The following ITPR2 variants were observed in gnomAD, a reference collection of about 807,000 sequenced individuals.
ITPR2 encodes the protein inositol 1,4,5-trisphosphate receptor type 2, also known as inositol 1,4,5-trisphosphate-gated calcium channel ITPR2.
A neutral mutation model predicts 317.1 loss-of-function variants in ITPR2; 207 were observed. The ratio of observed to expected loss-of-function variants is 0.65; its 90% CI spans 0.58 to 0.73. The LOEUF (loss-of-function observed/expected upper bound fraction) is 0.73, where lower values mean the gene tolerates loss of function less well. Ranked by LOEUF, ITPR2 falls within the 30% of genes least tolerant of loss-of-function variation. The probability of loss-of-function intolerance (pLI) is 0.00; values close to 1 mark genes in which losing one functional copy is unlikely to be tolerated. For missense variants in ITPR2, 2,613 were observed against 3,284.0 expected (o/e 0.80, Z 4.99); for synonymous variants, 1,156 against 1,149.1 (o/e 1.01, Z -0.12).
intron 13 of ITPR2, among the ~76,000 whole-genome samples, chr12:26,669,037 G>C (rs78262669): frequency 0.13 from 20,050 of 152,102 alleles, 1,699 homozygotes; most frequent in Non-Finnish European, 0.19. Context: ...AGGAATTGCT[G>C]AAACCTGGGA....
intron 2 of ITPR2, among the ~76,000 whole-genome samples, chr12:26,775,011 G>A (rs1490237037): frequency 1.3e-5 from 2 of 152,154 alleles, no homozygotes; most frequent in Admixed American, 6.5e-5. Context: ...CCAGGATTGA[G>A]CTTCACTAAT....
chr12:26,505,735 C>T (rs1313529217), intron 37 of ITPR2, among the ~76,000 whole-genome samples: 1 of 152,030 alleles, frequency 6.6e-6, no homozygotes, highest in Non-Finnish European at 1.5e-5. Flanking sequence ...CAACACCTAG[C>T]CCCAAAGCTA....
chr12:26,462,673 C>CCTTTTTTTTTTTTTTTT (rs386362868), intron 45 of ITPR2, among the ~76,000 whole-genome samples: 1 of 62,776 alleles, frequency 1.6e-5, no homozygotes. Flanking sequence ...AGCTTTCTTT[C>CCTTTTTTTTTTTTTTTT]TTTTTTTTTT....
intron 2 of ITPR2, among the ~76,000 whole-genome samples, chr12:26,734,479 T>C (rs1949083032): frequency 6.6e-6 from 1 of 152,134 alleles, no homozygotes; most frequent in South Asian, 2.1e-4. Context: ...GCCAGAGAAG[T>C]TCACGGCTTC....
chr12:26,625,059 T>C (rs1946589943), intron 23 of ITPR2, among the ~76,000 whole-genome samples: 1 of 151,034 alleles, frequency 6.6e-6, no homozygotes, highest in South Asian at 2.1e-4. Context: ...GAACTGGAGG[T>C]CATTATGTTA....
rs1267460459 is a variant in ITPR2 at position 26,436,204 on chromosome 12, G to A, written c.6769+17C>T. The A allele has an allele frequency of 1.3e-6, 2 of 1,544,670 alleles. No individual in the cohort carries two copies. The highest frequency in any genetic ancestry group is 2.3e-5 in the Admixed American group (1 of 44,086). On this transcript the variant is annotated intron_variant, in intron 48 of 56. Transcript: ENST00000381340. ...AACTTTAAAATATTTATATTTTAAG[G>A]AAAAACGAGCACTTGCCTTCATCTC...
chr12:26,548,811 T>C (rs375430790), intron 37 of ITPR2, among the ~76,000 whole-genome samples: 1 of 152,166 alleles, frequency 6.6e-6, no homozygotes, highest in Non-Finnish European at 1.5e-5. Context: ...GAACTAGTGA[T>C]AGCAGTGGGA....
At chr12:26,439,073 C>T in intron 47 of ITPR2, 54 bp downstream of exon 47, 1 of 1,137,030 alleles carries the variant, frequency 8.8e-7, no homozygotes. Flanking sequence ...TCCCAAAGTA[C>T]CAAATTATCT....
At chr12:26,698,786 A>T (rs1948394769) in intron 9 of ITPR2, among the ~76,000 whole-genome samples, 4 of 152,160 alleles carry the variant, frequency 2.6e-5, no homozygotes. Context: ...TCAAAACGGG[A>T]TTTAATCCTG....
chr12:26,692,266 C>T (rs1565696711), intron 10 of ITPR2, among the ~76,000 whole-genome samples: 1 of 152,174 alleles, frequency 6.6e-6, no homozygotes, highest in Non-Finnish European at 1.5e-5. Context: ...GGGGCATTGG[C>T]AATTTCTGGG....
intron 45 of ITPR2, among the ~76,000 whole-genome samples, chr12:26,468,546 G>A (rs1357216667): frequency 1.9e-5 from 1 of 53,004 alleles, no homozygotes; most frequent in Non-Finnish European, 5.6e-5. Context: ...TATATTCTAG[G>A]CACTGAACAA....
intron 45 of ITPR2, among the ~76,000 whole-genome samples, chr12:26,465,905 A>C (rs1342458848): frequency 1.3e-5 from 2 of 152,172 alleles, no homozygotes; most frequent in Non-Finnish European, 2.9e-5. Context: ...AAGCTCACAG[A>C]GGAAAGGGAT....
intron 41 of ITPR2, among the ~76,000 whole-genome samples, chr12:26,484,424 T>C (rs1942616406): frequency 2.0e-5 from 3 of 152,252 alleles, no homozygotes; most frequent in East Asian, 3.9e-4. Flanking sequence ...ATCAATATTT[T>C]AAGTTAACAT....
intron 26 of ITPR2, among the ~76,000 whole-genome samples, chr12:26,610,907 A>G (rs1375044271): frequency 1.3e-5 from 2 of 152,242 alleles, no homozygotes; most frequent in African/African-American, 4.8e-5. Context: ...AGCAACAGCA[A>G]GAGAAGAGAA....
intron 9 of ITPR2, 24 bp downstream of exon 9, chr12:26,711,149 T>A: frequency 2.6e-6 from 4 of 1,520,622 alleles, no homozygotes; most frequent in Non-Finnish European, 2.7e-6. Context: ...AGAAACTTAA[T>A]ACCACTTTAT....
At chr12:26,664,907 TG>T (rs1947588767) in intron 14 of ITPR2, among the ~76,000 whole-genome samples, 1 of 152,210 alleles carries the variant, frequency 6.6e-6, no homozygotes, top group African/African-American at 2.4e-5. Flanking sequence ...ACTAACATTA[TG>T]TCTACTATTT....
At chr12:26,649,873 T>A (rs1276855890) in intron 21 of ITPR2, among the ~76,000 whole-genome samples, 1 of 152,172 alleles carries the variant, frequency 6.6e-6, no homozygotes, top group African/African-American at 2.4e-5. Flanking sequence ...TATAGATAGA[T>A]AGACAGATAG....
At chr12:26,681,477 C>G (rs1053700204) in intron 13 of ITPR2, among the ~76,000 whole-genome samples, 1 of 151,800 alleles carries the variant, frequency 6.6e-6, no homozygotes, top group African/African-American at 2.4e-5. Context: ...TTTTGTGGTA[C>G]CAGAGCTGAG....
chr12:26,779,114 G>A (rs116269816), intron 2 of ITPR2, among the ~76,000 whole-genome samples: 3,800 of 152,302 alleles, frequency 0.025, 167 homozygotes, highest in African/African-American at 0.086. Flanking sequence ...CTTGGGCCAT[G>A]TGACCCAACA....
Sources: allele counts gnomAD v4.1 joint callset (sites outside exome capture counted in the v4.1 genomes callset), GRCh38; gene constraint gnomAD v4.1.1; transcripts MANE v1.5; gene names NCBI Gene and HGNC (gene_info 2026-07-23, HGNC 2026-07-21).